The following QTMAN variants were observed in gnomAD, a reference collection of about 807,000 sequenced individuals.
QTMAN encodes the protein tRNA-queuosine alpha-mannosyltransferase.
At chr2:144,154,394 G>A in the QTMAN span, among the ~76,000 whole-genome samples, 89 of 152,146 alleles carry the variant, frequency 5.8e-4, no homozygotes, top group Admixed American at 8.5e-4. Flanking sequence ...GAAATGTCCG[G>A]CTTGGTTATT....
chr2:144,019,560 C>T, the QTMAN span, among the ~76,000 whole-genome samples: 1 of 151,036 alleles, frequency 6.6e-6, no homozygotes, highest in Non-Finnish European at 1.5e-5. Flanking sequence ...AGTCCAGGTT[C>T]CTCTATATAG....
the QTMAN span, among the ~76,000 whole-genome samples, chr2:144,104,468 C>T: frequency 2.1e-3 from 319 of 152,266 alleles, 4 homozygotes; most frequent in African/African-American, 7.3e-3. Flanking sequence ...ATATCCTGCG[C>T]CTGGCTTGGA....
At chr2:144,263,341 T>C in the QTMAN span, among the ~76,000 whole-genome samples, 1 of 152,200 alleles carries the variant, frequency 6.6e-6, no homozygotes, top group Non-Finnish European at 1.5e-5. Context: ...CTTTTACACC[T>C]ATGGAAAACA....
chr2:144,316,026 C>A, the QTMAN span, among the ~76,000 whole-genome samples: 3 of 152,170 alleles, frequency 2.0e-5, no homozygotes, highest in Non-Finnish European at 4.4e-5. Flanking sequence ...TGCACAGTTG[C>A]CTTTTGTATT....
At chr2:144,317,925 G>C in the QTMAN span, among the ~76,000 whole-genome samples, 1 of 151,400 alleles carries the variant, frequency 6.6e-6, no homozygotes, top group Non-Finnish European at 1.5e-5. Flanking sequence ...ATATAGACAG[G>C]TAAACTTAAA....
the QTMAN span, among the ~76,000 whole-genome samples, chr2:144,072,843 ATTTAGT>A: frequency 6.6e-6 from 1 of 152,226 alleles, no homozygotes; most frequent in Non-Finnish European, 1.5e-5. Context: ...CAAGACTTAA[ATTTAGT>A]GAGCATAGAC....
the QTMAN span, among the ~76,000 whole-genome samples, chr2:144,122,205 A>C: frequency 1.1e-4 from 16 of 152,330 alleles, no homozygotes; most frequent in East Asian, 3.1e-3. Context: ...AAAGACAAGG[A>C]GAAAGAGAAG....
chr2:144,190,807 G>A, the QTMAN span, among the ~76,000 whole-genome samples: 6 of 152,216 alleles, frequency 3.9e-5, no homozygotes, highest in Admixed American at 6.5e-5. Flanking sequence ...CTTCAAAAGC[G>A]CTACAAAGGT....
At chr2:144,163,217 C>T in the QTMAN span, among the ~76,000 whole-genome samples, 1 of 151,916 alleles carries the variant, frequency 6.6e-6, no homozygotes, top group Admixed American at 6.6e-5. Flanking sequence ...CAGGTTATTA[C>T]AGATTCTGGG....
chr2:143,989,107 T>A, the QTMAN span, among the ~76,000 whole-genome samples: 1 of 152,120 alleles, frequency 6.6e-6, no homozygotes, highest in African/African-American at 2.4e-5. Context: ...TATTTTTCTT[T>A]ACCTCTTATT....
the QTMAN span, among the ~76,000 whole-genome samples, chr2:144,099,081 A>G: frequency 2.0e-5 from 3 of 152,230 alleles, no homozygotes; most frequent in Non-Finnish European, 4.4e-5. Flanking sequence ...ACATAAGTCA[A>G]CTGACAATAG....
the QTMAN span, among the ~76,000 whole-genome samples, chr2:144,071,311 T>C: frequency 6.6e-6 from 1 of 152,050 alleles, no homozygotes; most frequent in African/African-American, 2.4e-5. Context: ...GTTGGGGATG[T>C]TTATCTCAAC....
At chr2:144,116,063 T>C in the QTMAN span, among the ~76,000 whole-genome samples, 1 of 152,124 alleles carries the variant, frequency 6.6e-6, no homozygotes, top group Non-Finnish European at 1.5e-5. Flanking sequence ...ATAAGTTGTA[T>C]GAGTAGTACG....
the QTMAN span, among the ~76,000 whole-genome samples, chr2:144,004,924 C>T: frequency 1.9e-4 from 29 of 152,130 alleles, no homozygotes; most frequent in South Asian, 4.4e-3. Context: ...TACCAATGCT[C>T]GGCGGCTCAG....
chr2:144,330,907 C>T, the QTMAN span, among the ~76,000 whole-genome samples: 722 of 152,298 alleles, frequency 4.7e-3, 7 homozygotes, highest in African/African-American at 0.016. Flanking sequence ...ATCGAAAATT[C>T]TGTATTTCTG....
chr2:144,213,940 G>T, the QTMAN span, among the ~76,000 whole-genome samples: 1 of 152,002 alleles, frequency 6.6e-6, no homozygotes, highest in Non-Finnish European at 1.5e-5. Context: ...TATATAAAAA[G>T]CAACCAACAA....
At chr2:144,256,693 C>A in the QTMAN span, among the ~76,000 whole-genome samples, 1 of 151,792 alleles carries the variant, frequency 6.6e-6, no homozygotes, top group Non-Finnish European at 1.5e-5. Flanking sequence ...CACACAGGGG[C>A]CCATCGGCGG....
chr2:144,141,857 T>C, the QTMAN span: 2 of 1,533,898 alleles, frequency 1.3e-6, no homozygotes, highest in Non-Finnish European at 1.8e-6. Context: ...GACACAATAT[T>C]GAGAACAGAG....
the QTMAN span, among the ~76,000 whole-genome samples, chr2:144,157,304 T>C: frequency 2.0e-5 from 3 of 152,038 alleles, no homozygotes; most frequent in African/African-American, 7.2e-5. Flanking sequence ...TTGCCTACAT[T>C]TGAGGGTCAC....
Sources: gnomAD v4.1 joint callset for allele counts (sites outside exome capture counted in the v4.1 genomes callset) on GRCh38, gnomAD v4.1.1 for gene constraint, MANE v1.5 for transcripts, NCBI Gene and HGNC (gene_info 2026-07-23, HGNC 2026-07-21) for gene names.